The following TGM3 variants were observed in gnomAD, a reference collection of about 807,000 sequenced individuals.
The protein encoded by TGM3 is transglutaminase 3.
TGM3 carries 52 observed loss-of-function variants against 73.8 expected under a neutral mutation model. The ratio of observed to expected loss-of-function variants is 0.70; its 90% CI spans 0.56 to 0.89. The LOEUF (loss-of-function observed/expected upper bound fraction) is 0.89. Among genes scored for constraint, TGM3 ranks in the 40% least tolerant of loss-of-function variants. TGM3 has a pLI of 0.00. For missense variants in TGM3, 928 were observed against 909.9 expected (o/e 1.02, Z -0.26); for synonymous variants, 372 against 354.9 (o/e 1.05, Z -0.54).
In TGM3 at chr20:2,332,573, A is replaced by G. The variant is rs867805230; in HGVS notation, c.1642+263A>G. On this transcript the variant is annotated intron_variant, in intron 10 of 12. Transcript: ENST00000381458. The surrounding 1 kb of genome is among the most constrained non-coding windows in gnomAD (Gnocchi z 4.4). ...AGGGAGGCTTTGGCAGTTCATAGCT[A>G]TGGCACAATATCCCTTACAAGTATA... Among the ~76,000 whole-genome samples, 31 of 152,202 alleles carry G rather than the reference A, an allele frequency of 2.0e-4. No individual in the cohort carries two copies. Among genetic ancestry groups the G allele is most frequent in the Admixed American group, 6.5e-5 (1 of 15,280 alleles).
rs1351776449 is a variant in TGM3, at chr20:2,328,458, C to G, written c.1333+93C>G. The G allele has an allele frequency of 7.2e-6, 11 of 1,523,456 alleles. No homozygotes were observed. Among genetic ancestry groups the G allele is most frequent in the South Asian group, 1.2e-5 (1 of 80,266 alleles). The allele number at this position is 1,523,456 out of a possible 1,614,324, so 94.4% of individuals were successfully genotyped here. ...AGAGGAGAAAAGTCCTCACCTCCCC[C>G]GCACTGGCAGCCAGTTCTGCCTGAA... On this transcript the variant is annotated intron_variant, in intron 9 of 12. Transcript: ENST00000381458. The surrounding 1 kb of genome is among the most constrained non-coding windows in gnomAD (Gnocchi z 5.2).
chr20:2,337,705 G>C (rs2084357829), intron 11 of TGM3, among the ~76,000 whole-genome samples: 1 of 151,416 alleles, frequency 6.6e-6, no homozygotes, highest in Admixed American at 6.6e-5. Context: ...GGCTGACAGA[G>C]TGAGACTCCG....
At chr20:2,315,306 G>A (rs1479323622) in intron 5 of TGM3, among the ~76,000 whole-genome samples, 1 of 152,224 alleles carries the variant, frequency 6.6e-6, no homozygotes. Context: ...CCTGTGCGGA[G>A]CTTTGAAGTG....
Position 2,340,553 on chromosome 20 carries a change from C to G in TGM3, c.2054C>G (p.Ala685Gly). The change falls in exon 13 of 13, where the codon GCC becomes GGC. Residue 685 changes from alanine (A) to glycine (G), a missense_variant. Coordinates refer to ENST00000381458, the MANE Select transcript of TGM3 (RefSeq NM_003245.4). ...FSCNKFPAIK[A>G]MLSIDVAE ...TGCAACAAGTTCCCTGCAATCAAGG[C>G]CATGTTGTCCATCGATGTAGCCGAA... The G allele has an allele frequency of 6.2e-7, 1 of 1,614,178 alleles. No homozygotes were observed. Among genetic ancestry groups the G allele is most frequent in the Non-Finnish European group, 8.5e-7 (1 of 1,180,022 alleles).
chr20:2,304,036 C>G (rs1045889847), intron 1 of TGM3, among the ~76,000 whole-genome samples: 2 of 152,222 alleles, frequency 1.3e-5, no homozygotes, highest in Non-Finnish European at 2.9e-5. Flanking sequence ...CGACTCCTGT[C>G]TCTTCTTCTC....
intron 11 of TGM3, among the ~76,000 whole-genome samples, chr20:2,338,935 C>G (rs2084365618): frequency 6.6e-6 from 1 of 152,256 alleles, no homozygotes; most frequent in East Asian, 1.9e-4. Context: ...ACGGCTGTTT[C>G]TTGGCAGAAA....
intron 5 of TGM3, among the ~76,000 whole-genome samples, chr20:2,315,505 C>A (rs1275248462): frequency 2.0e-5 from 3 of 152,230 alleles, no homozygotes; most frequent in Non-Finnish European, 4.4e-5. Flanking sequence ...GAGGGCCTGG[C>A]AAGGCTGGGC....
At position 2,340,727 on chromosome 20, in the gene TGM3, A is replaced by C. The variant is rs1024883757; in HGVS notation, c.*146A>C. 2 of 1,047,762 alleles carry C rather than the reference A, an allele frequency of 1.9e-6. No homozygotes were observed. The highest frequency in any genetic ancestry group is 2.8e-6 in the Non-Finnish European group (2 of 703,202). 64.9% of individuals were successfully genotyped at this position (1,047,762 alleles called of 1,614,324 possible). ...CAGACATGGACCTCCAGGCTCCAGC[A>C]CATCCCCCTCTCCTCTCCCCCAGGT... is the stretch of plus-strand genomic sequence containing the variant. On this transcript the variant is annotated 3_prime_UTR_variant, in exon 13 of 13. Coordinates refer to ENST00000381458, the MANE Select transcript of TGM3 (RefSeq NM_003245.4).
chr20:2,328,457 C>A lies in TGM3; in HGVS notation c.1333+92C>A. The A allele has an allele frequency of 6.5e-7, 1 of 1,528,340 alleles. No individual in the cohort carries two copies. The highest frequency in any genetic ancestry group is 8.9e-7 in the Non-Finnish European group (1 of 1,129,732). 94.7% of individuals were successfully genotyped at this position (1,528,340 alleles called of 1,614,324 possible). A position where few individuals can be genotyped will look rare whatever the true frequency, so the allele number is the denominator to read the frequency against. ...GAGAGGAGAAAAGTCCTCACCTCCC[C>A]CGCACTGGCAGCCAGTTCTGCCTGA... On this transcript the variant is annotated intron_variant, in intron 9 of 12. Coordinates refer to ENST00000381458, the MANE Select transcript of TGM3 (RefSeq NM_003245.4). This position sits in a 1 kb window ranked among gnomAD's most constrained non-coding sequence, Gnocchi z 5.2.
intron 9 of TGM3, among the ~76,000 whole-genome samples, chr20:2,331,317 G>C (rs932267557): frequency 6.6e-6 from 1 of 152,128 alleles, no homozygotes; most frequent in Non-Finnish European, 1.5e-5. Context: ...TTCTCTGTGG[G>C]CTACTTACGC....
At chr20:2,313,067 T>C in intron 5 of TGM3, 41 bp downstream of exon 5, 1 of 1,612,918 alleles carries the variant, frequency 6.2e-7, no homozygotes, top group Non-Finnish European at 8.5e-7. Flanking sequence ...TGTCATCATA[T>C]ATTGAACACC....
At chr20:2,315,215 G>T (rs937628555) in intron 5 of TGM3, among the ~76,000 whole-genome samples, 1 of 152,210 alleles carries the variant, frequency 6.6e-6, no homozygotes, top group Admixed American at 6.5e-5. Context: ...CCACTTTATC[G>T]TGGAGCCAAT....
intron 5 of TGM3, among the ~76,000 whole-genome samples, chr20:2,315,616 G>T (rs2084229295): frequency 6.6e-6 from 1 of 152,372 alleles, no homozygotes; most frequent in Middle Eastern, 3.4e-3. Flanking sequence ...GGACACACAG[G>T]CTGGAGGAGC....
At chr20:2,314,858 T>C (rs939855770) in intron 5 of TGM3, among the ~76,000 whole-genome samples, 2 of 152,216 alleles carry the variant, frequency 1.3e-5, no homozygotes, top group African/African-American at 4.8e-5. Context: ...TCTTGACTTT[T>C]GAGTTGGATA....
chr20:2,332,399 T>G lies in TGM3; in HGVS notation c.1642+89T>G. 7.6e-7 allele frequency: 1 copy of G among 1,312,648 alleles called. No homozygotes were observed. The highest frequency in any genetic ancestry group is 2.8e-5 in the Admixed American group (1 of 36,260). 81.3% of individuals were successfully genotyped at this position (1,312,648 alleles called of 1,614,324 possible). A position where few individuals can be genotyped will look rare whatever the true frequency, so the allele number is the denominator to read the frequency against. On this transcript the variant is annotated intron_variant, in intron 10 of 12. Transcript: ENST00000381458. The surrounding 1 kb of genome is among the most constrained non-coding windows in gnomAD (Gnocchi z 4.4). ...GCAGGGTGTCTGCTGGGCTCCAGGT[T>G]AGTCAGCTACGAATGGAGCAGCCAG... is the stretch of plus-strand genomic sequence containing the variant.
At position 2,312,902 on chromosome 20, in the gene TGM3, A is replaced by C; in HGVS notation, c.545A>C (p.Glu182Ala). ...GMIGWNFGQFEEDILSICLSI... is the reference protein window; with the variant it reads ...GMIGWNFGQFAEDILSICLSI... ...GTATGGTCTCGTTCTGAACAGTTTG[A>C]AGAAGACATTCTCAGCATCTGCCTC... The change falls in exon 5 of 13, where the codon GAA (glutamate) becomes GCA (alanine). Residue 182 changes from glutamate (E) to alanine (A), a missense_variant. Physicochemically the swap from Glu to Ala is moderately radical, Grantham distance 107. Transcript: ENST00000381458. The C allele has an allele frequency of 6.2e-7, 1 of 1,614,114 alleles. No individual in the cohort carries two copies. The highest frequency in any genetic ancestry group is 8.5e-7 in the Non-Finnish European group (1 of 1,180,018).
intron 8 of TGM3, 143 bp downstream of exon 8, chr20:2,326,095 T>C: frequency 4.9e-6 from 4 of 823,194 alleles, no homozygotes; most frequent in Non-Finnish European, 7.7e-6. Flanking sequence ...AAAATAGATC[T>C]CCCCTGCTAA....
intron 11 of TGM3, among the ~76,000 whole-genome samples, chr20:2,339,537 T>C (rs1052580578): frequency 6.6e-6 from 1 of 152,164 alleles, no homozygotes; most frequent in Non-Finnish European, 1.5e-5. Flanking sequence ...GGTTGGGCTG[T>C]CCTGGGAAGC....
Position 2,309,544 on chromosome 20 carries a change from G to T in TGM3, c.8-113G>T, listed in dbSNP as rs1020880769. ...TAATGTGATTCTTTCTAGGAATTTG[G>T]CTCTGCCCTTGACAAGCCTCACCCC... On this transcript the variant is annotated intron_variant, in intron 1 of 12. Transcript: ENST00000381458. 1.7e-5 allele frequency: 17 copies of T among 1,003,354 alleles called. No individual in the cohort carries two copies. The African/African-American group carries it at 2.4e-4, about 14-fold the overall frequency. The allele number at this position is 1,003,354 out of a possible 1,614,324, so 62.2% of individuals were successfully genotyped here.
Sources: gnomAD v4.1 joint callset for allele counts (sites outside exome capture counted in the v4.1 genomes callset) on GRCh38, gnomAD v4.1.1 for gene constraint, Gnocchi (gnomAD v3.1) non-coding constraint, MANE v1.5 for transcripts, NCBI Gene and HGNC (gene_info 2026-07-23, HGNC 2026-07-21) for gene names.